The following TENM3 variants were observed in gnomAD, a reference collection of about 807,000 sequenced individuals.
The protein encoded by TENM3 is teneurin transmembrane protein 3.
In TENM3, 63 loss-of-function variants were observed where a neutral mutation model predicts 255.1. The ratio of observed to expected loss-of-function variants is 0.25; its 90% CI spans 0.20 to 0.30. The LOEUF (loss-of-function observed/expected upper bound fraction) is 0.30, where lower values mean the gene tolerates loss of function less well. Among genes scored for constraint, TENM3 ranks in the 10% least tolerant of loss-of-function variants. The pLI is 1.00. For synonymous variants in TENM3, 1,306 were observed against 1,322.3 expected (o/e 0.99, Z 0.27); for missense variants, 2,929 against 3,461.1 (o/e 0.85, Z 3.86).
intron 22 of TENM3, among the ~76,000 whole-genome samples, chr4:182,769,314 T>G (rs1477095675): frequency 1.3e-5 from 2 of 152,140 alleles, no homozygotes; most frequent in Non-Finnish European, 2.9e-5. Context: ...TTTCTTTCAC[T>G]CCCTTAGTCA....
the TENM3 span, among the ~76,000 whole-genome samples, chr4:181,630,646 GT>G: frequency 3.3e-5 from 5 of 152,200 alleles, no homozygotes; most frequent in Non-Finnish European, 7.3e-5. Context: ...CAGTTGAGCG[GT>G]TTTGAGTGAG....
the TENM3 span, among the ~76,000 whole-genome samples, chr4:181,753,984 A>C: frequency 1.3e-5 from 2 of 152,166 alleles, no homozygotes; most frequent in African/African-American, 4.8e-5. Context: ...TTAGGAAGTA[A>C]AATGATGTGG....
chr4:182,047,539 T>C, the TENM3 span, among the ~76,000 whole-genome samples: 33,224 of 124,316 alleles, frequency 0.27, 4,296 homozygotes, highest in Middle Eastern at 0.42. Flanking sequence ...TCCAGCCTGG[T>C]GACAGAACGA....
chr4:182,674,600 G>T (rs888813257), intron 7 of TENM3, among the ~76,000 whole-genome samples: 1 of 152,116 alleles, frequency 6.6e-6, no homozygotes, highest in Non-Finnish European at 1.5e-5. Context: ...GTTTGAGACA[G>T]GGTCTCACTC....
the TENM3 span, among the ~76,000 whole-genome samples, chr4:181,792,124 C>T: frequency 6.6e-6 from 1 of 152,202 alleles, no homozygotes; most frequent in Admixed American, 6.5e-5. Context: ...TAATCCAAAT[C>T]CATTGACATT....
chr4:182,315,729 T>C (rs1311887657), intron 1 of TENM3, among the ~76,000 whole-genome samples: 4 of 152,180 alleles, frequency 2.6e-5, no homozygotes, highest in Non-Finnish European at 2.9e-5. Context: ...ACCACATGTA[T>C]ATTGGTCTCT....
the TENM3 span, among the ~76,000 whole-genome samples, chr4:182,066,529 C>A: frequency 6.6e-6 from 1 of 151,494 alleles, no homozygotes; most frequent in Non-Finnish European, 1.5e-5. Context: ...ATTCTTGATT[C>A]TCTAAGGCTC....
At chr4:181,517,624 T>G in the TENM3 span, among the ~76,000 whole-genome samples, 1 of 152,280 alleles carries the variant, frequency 6.6e-6, no homozygotes, top group African/African-American at 2.4e-5. Context: ...TTACAATTGG[T>G]TTGTTCATTT....
chr4:181,718,456 T>C, the TENM3 span, among the ~76,000 whole-genome samples: 143 of 152,332 alleles, frequency 9.4e-4, no homozygotes, highest in African/African-American at 3.1e-3. Context: ...CAAACCTCCA[T>C]AGCTCATGAT....
chr4:181,524,086 C>A, the TENM3 span, among the ~76,000 whole-genome samples: 1 of 152,152 alleles, frequency 6.6e-6, no homozygotes, highest in Non-Finnish European at 1.5e-5. Context: ...CCACGAAACA[C>A]TAACATGGAA....
At chr4:181,929,351 A>G in the TENM3 span, among the ~76,000 whole-genome samples, 2 of 151,024 alleles carry the variant, frequency 1.3e-5, no homozygotes, top group Admixed American at 6.6e-5. Context: ...GCAAATGGAA[A>G]GGCAAAAAAA....
intron 2 of TENM3, among the ~76,000 whole-genome samples, chr4:182,332,668 T>G (rs1162740952): frequency 6.9e-6 from 1 of 145,410 alleles, no homozygotes; most frequent in Non-Finnish European, 1.5e-5. Flanking sequence ...CACTCAAGCC[T>G]GGGCGACAGA....
chr4:182,061,836 C>T, the TENM3 span, among the ~76,000 whole-genome samples: 1 of 151,898 alleles, frequency 6.6e-6, no homozygotes, highest in African/African-American at 2.4e-5. Flanking sequence ...GTGTCGTGCG[C>T]TTTGTAGTTC....
At chr4:182,513,487 A>C (rs1379606847) in intron 3 of TENM3, among the ~76,000 whole-genome samples, 1 of 152,046 alleles carries the variant, frequency 6.6e-6, no homozygotes, top group Non-Finnish European at 1.5e-5. Flanking sequence ...CTACCTATTT[A>C]AAGATCCTGA....
At chr4:182,205,584 C>T (rs1045931018) in intron 1 of TENM3, among the ~76,000 whole-genome samples, 10 of 152,212 alleles carry the variant, frequency 6.6e-5, no homozygotes, top group Non-Finnish European at 1.3e-4. Flanking sequence ...CTCCCCTGGG[C>T]CCCCCCAAAT....
At chr4:182,069,293 T>C in the TENM3 span, among the ~76,000 whole-genome samples, 1 of 152,192 alleles carries the variant, frequency 6.6e-6, no homozygotes, top group African/African-American at 2.4e-5. Flanking sequence ...AATATCAGCA[T>C]TCCATGGTAC....
chr4:181,451,304 A>C, the TENM3 span, among the ~76,000 whole-genome samples: 1 of 152,186 alleles, frequency 6.6e-6, no homozygotes, highest in East Asian at 1.9e-4. Context: ...GCCTGCAAAC[A>C]GAGAAAAAAA....
chr4:182,504,379 G>A (rs1736610728), intron 3 of TENM3, among the ~76,000 whole-genome samples: 1 of 152,146 alleles, frequency 6.6e-6, no homozygotes, highest in African/African-American at 2.4e-5. Context: ...AAAGACTCTT[G>A]ATTTAATGTG....
intron 3 of TENM3, among the ~76,000 whole-genome samples, chr4:182,396,294 A>G (rs1404972049): frequency 6.6e-6 from 1 of 152,184 alleles, no homozygotes; most frequent in Non-Finnish European, 1.5e-5. Context: ...GAAGCCTAGT[A>G]TTTCTAGAGA....
Sources: gnomAD v4.1 joint callset for allele counts (sites outside exome capture counted in the v4.1 genomes callset) on GRCh38, gnomAD v4.1.1 for gene constraint, MANE v1.5 for transcripts, NCBI Gene and HGNC (gene_info 2026-07-23, HGNC 2026-07-21) for gene names.